The following MOV10 variants were observed in gnomAD, a reference collection of about 807,000 sequenced individuals.
MOV10 encodes Mov10 RNA helicase, also known as RNA helicase MOV-10.
A neutral mutation model predicts 108.4 loss-of-function variants in MOV10; 39 were observed. That is an observed-to-expected ratio of 0.36 (90% CI 0.28 to 0.47). The LOEUF is 0.47. Among genes scored for constraint, MOV10 ranks in the 20% least tolerant of loss-of-function variants. The pLI is 1.00. For missense variants in MOV10, 952 were observed against 1,297.6 expected (o/e 0.73, Z 4.09); for synonymous variants, 490 against 523.1 (o/e 0.94, Z 0.86).
intron 10 of MOV10, among the ~76,000 whole-genome samples, 174 bp from the exon 11 acceptor site, chr1:112,695,242 G>A (rs1673963791): frequency 6.6e-6 from 1 of 152,190 alleles, no homozygotes; most frequent in Non-Finnish European, 1.5e-5. Flanking sequence ...GGGGATTGGG[G>A]AAGTGGGAAG....
Position 112,694,478 on chromosome 1 carries a change from C to T in MOV10, c.1321C>T (p.Leu441=), listed in dbSNP as rs1278124080. ...CCTCCTGAGCCGCTTTGTGGATGGG[C>T]TGACCTTCAAGGTGAACTTTACCTT... The part of the protein sequence containing the change: ...MSLLSRFVDG[L]TFKVNFTFNR... Residue 441 remains leucine (L), a synonymous_variant, in exon 9 of 21, where the codon CTG becomes TTG. Coordinates refer to ENST00000369645, the MANE Select transcript of MOV10 (RefSeq NM_001321324.2). This position sits in a 1 kb window ranked among gnomAD's most constrained non-coding sequence, Gnocchi z 4.1. The T allele has an allele frequency of 6.2e-7, 1 of 1,614,106 alleles. No homozygotes were observed. Among genetic ancestry groups the T allele is most frequent in the East Asian group, 2.2e-5 (1 of 44,868 alleles).
chr1:112,689,764 T>C, intron 4 of MOV10, 76 bp from the exon 5 acceptor site: 1 of 1,586,888 alleles, frequency 6.3e-7, no homozygotes, highest in Non-Finnish European at 8.6e-7. Context: ...GGGATGGGGC[T>C]TCCTGGGGGA....
intron 17 of MOV10, 123 bp from the exon 18 acceptor site, chr1:112,699,562 C>T (rs1417051561): frequency 2.4e-5 from 37 of 1,525,726 alleles, no homozygotes; most frequent in Non-Finnish European, 3.2e-5. Context: ...AGCACTGGTT[C>T]ACTCACTGAT....
In MOV10 at chr1:112,697,974, T is replaced by C; in HGVS notation, c.2199-20T>C. 6.2e-7 allele frequency: 1 copy of C among 1,605,662 alleles called. No homozygotes were observed. The highest frequency in any genetic ancestry group is 8.5e-7 in the Non-Finnish European group (1 of 1,172,286). ...GGGAATCTGACCCTTGGTCTTGCTT[T>C]TCCTCCTCCGGCCTCCCAGGTCTCA... On this transcript the variant is annotated intron_variant, in intron 14 of 20. Transcript: ENST00000369645.
At chr1:112,687,795 C>G (rs759481465) in intron 2 of MOV10, among the ~76,000 whole-genome samples, 2 of 152,140 alleles carry the variant, frequency 1.3e-5, no homozygotes, top group Non-Finnish European at 2.9e-5. Flanking sequence ...AGCAACCCTA[C>G]GAGGTAAGTC....
chr1:112,677,776 G>A (rs948279489), intron 2 of MOV10, among the ~76,000 whole-genome samples: 11 of 152,014 alleles, frequency 7.2e-5, no homozygotes, highest in African/African-American at 1.7e-4. Flanking sequence ...ATATAGCGGG[G>A]GGTATAGCAA....
chr1:112,698,738 C>T lies in MOV10; in HGVS notation c.2532C>T (p.Ile844=). The change falls in exon 17 of 21, where the codon ATC becomes ATT. Residue 844 remains isoleucine, a synonymous_variant. Transcript: ENST00000369645. The stretch of plus-strand genomic sequence containing the variant: ...AGGTGGAGAAAATCCGTTACTGCAT[C>T]ACCAAACTTGACAGGGAGCTTCGAG... ...RKQVEKIRYC[I]TKLDRELRGL... is the part of the protein sequence containing the mutation. 6.2e-7 allele frequency: 1 copy of T among 1,614,184 alleles called. No homozygotes were observed. The highest frequency in any genetic ancestry group is 8.5e-7 in the Non-Finnish European group (1 of 1,180,002).
intron 14 of MOV10, 140 bp downstream of exon 14, chr1:112,696,986 A>T (rs1674159471): frequency 8.2e-6 from 6 of 729,832 alleles, no homozygotes; most frequent in Non-Finnish European, 1.1e-5. Context: ...GGAAGGCAGG[A>T]GGTTTTTCTA....
intron 2 of MOV10, among the ~76,000 whole-genome samples, chr1:112,686,779 A>G (rs1349717350): frequency 1.3e-5 from 2 of 152,196 alleles, no homozygotes; most frequent in African/African-American, 2.4e-5. Flanking sequence ...TCCTAGACTC[A>G]TCCCTCTTCC....
rs1281414572 is a variant in MOV10, at chr1:112,675,884, TG to T, written c.137+838del. ...ACTTGTACAAATAAACATAAGGTAG[TG>T]GGAATCTGGGCTTAATAACAGACCT... is the stretch of plus-strand genomic sequence containing the variant. On this transcript the variant is annotated intron_variant, in intron 2 of 20. Coordinates refer to ENST00000369645, the MANE Select transcript of MOV10 (RefSeq NM_001321324.2). The surrounding 1 kb of genome is among the most constrained non-coding windows in gnomAD (Gnocchi z 4.7). Among the ~76,000 whole-genome samples the T allele has an allele frequency of 6.6e-6, 1 of 152,198 alleles. No homozygotes were observed. Among genetic ancestry groups the T allele is most frequent in the African/African-American group, 2.4e-5 (1 of 41,452 alleles).
chr1:112,695,477 A>C lies in MOV10; in HGVS notation c.1682A>C (p.Asp561Ala). The change falls in exon 11 of 21, where the codon GAC becomes GCC. Residue 561 changes from aspartate to alanine, a missense_variant. Asp to Ala is a moderately radical substitution (Grantham distance 126). Around this residue, in one of 5 missense-constraint regions of MOV10, gnomAD observed 453 missense variants for 611.5 expected, o/e 0.74. Coordinates refer to ENST00000369645, the MANE Select transcript of MOV10 (RefSeq NM_001321324.2). ...LACAPSNSGA[D>A]LLCQRLRVHL... The stretch of plus-strand genomic sequence containing the variant: ...TGCGCTCCATCCAACTCAGGGGCTG[A>C]CCTACTCTGTCAAAGGCTCCGGGTC... 1.2e-6 allele frequency: 2 copies of C among 1,614,184 alleles called. No homozygotes were observed. Among genetic ancestry groups the C allele is most frequent in the Non-Finnish European group, 1.7e-6 (2 of 1,180,036 alleles).
chr1:112,676,868 A>G (rs1672236467), intron 2 of MOV10, among the ~76,000 whole-genome samples: 1 of 152,186 alleles, frequency 6.6e-6, no homozygotes. Context: ...GGCTCAGGGG[A>G]GTCTAACAAA....
At position 112,695,522 on chromosome 1, in the gene MOV10, A is replaced by G. The variant is rs1488330238; in HGVS notation, c.1727A>G (p.Tyr576Cys). ...CGGGTCCACCTTCCTAGCTCCATCT[A>G]CCGCCTCCTGGCCCCCAGCAGGGAC... ...RLRVHLPSSI[Y>C]RLLAPSRDIR... Residue 576 changes from tyrosine to cysteine, a missense_variant, in exon 11 of 21, where the codon TAC becomes TGC. By Grantham distance (194) the Tyr-to-Cys change is radical (BLOSUM62 -2). Around this residue, in one of 5 missense-constraint regions of MOV10, gnomAD observed 453 missense variants for 611.5 expected, o/e 0.74. Transcript: ENST00000369645. 1.2e-6 allele frequency: 2 copies of G among 1,613,972 alleles called. No homozygotes were observed. Among genetic ancestry groups the G allele is most frequent in the East Asian group, 2.2e-5 (1 of 44,868 alleles).
At chr1:112,676,167 A>C (rs979099523) in intron 2 of MOV10, among the ~76,000 whole-genome samples, 4 of 152,220 alleles carry the variant, frequency 2.6e-5, no homozygotes, top group Admixed American at 2.6e-4. Context: ...GTTTTATGTC[A>C]CCATGCTGGA....
At chr1:112,683,868 T>C (rs188229885) in intron 2 of MOV10, among the ~76,000 whole-genome samples, 6 of 152,354 alleles carry the variant, frequency 3.9e-5, no homozygotes, top group Admixed American at 3.3e-4. Context: ...TATACATTGG[T>C]ACTTTTCTTC....
chr1:112,694,690 CAG>C lies in MOV10; in HGVS notation c.1473-58_1473-57del. The C allele has an allele frequency of 6.3e-7, 1 of 1,596,422 alleles. No homozygotes were observed. Among genetic ancestry groups the C allele is most frequent in the Non-Finnish European group, 8.6e-7 (1 of 1,168,976 alleles). On this transcript the variant is annotated intron_variant, in intron 9 of 20. Transcript: ENST00000369645. The surrounding 1 kb of genome is among the most constrained non-coding windows in gnomAD (Gnocchi z 4.1). ...GGAGTGTGGGCACAGGGGGTGGAGT[CAG>C]GGAGGCCTCTGGGTCACTGGATGAC... is the stretch of plus-strand genomic sequence containing the variant.
In MOV10 at chr1:112,694,976, C is replaced by A; in HGVS notation, c.1620+80C>A. The A allele has an allele frequency of 6.8e-7, 1 of 1,473,710 alleles. No homozygotes were observed. Among genetic ancestry groups the A allele is most frequent in the South Asian group, 1.3e-5 (1 of 76,292 alleles). The allele number at this position is 1,473,710 out of a possible 1,614,324, so 91.3% of individuals were successfully genotyped here. Reference sequence around the variant, plus strand: ...AGTTGTCCCCAGATTCTAGTTCCTTCCCACTCCCGAAATGCTCCTGCTTCT... The same window carrying A: ...AGTTGTCCCCAGATTCTAGTTCCTTACCACTCCCGAAATGCTCCTGCTTCT... On this transcript the variant is annotated intron_variant, in intron 10 of 20. Transcript: ENST00000369645. This position sits in a 1 kb window ranked among gnomAD's most constrained non-coding sequence, Gnocchi z 4.1.
Position 112,694,093 on chromosome 1 carries a change from C to G in MOV10, c.1216C>G (p.His406Asp). 1.9e-6 allele frequency: 3 copies of G among 1,614,036 alleles called. No homozygotes were observed. Among genetic ancestry groups the G allele is most frequent in the Non-Finnish European group, 2.5e-6 (3 of 1,179,934 alleles). ...HLFALLSSET[H>D]QEDPITYKGF... ...GTTTGCCCTTTTGTCCTCGGAGACA[C>G]ACCAGGAGGACCCCATCACATATAA... The change falls in exon 8 of 21, where the codon CAC (histidine) becomes GAC (aspartate). Residue 406 changes from histidine to aspartate, a missense_variant. By Grantham distance (81) the His-to-Asp change is moderately conservative. Around this residue, in one of 5 missense-constraint regions of MOV10, gnomAD observed 453 missense variants for 611.5 expected, o/e 0.74. Coordinates refer to ENST00000369645, the MANE Select transcript of MOV10 (RefSeq NM_001321324.2). The surrounding 1 kb of genome is among the most constrained non-coding windows in gnomAD (Gnocchi z 4.1).
rs980012852 is a variant in MOV10 at position 112,698,886 on chromosome 1, C to G, written c.2583+97C>G. 3.0e-5 allele frequency: 30 copies of G among 1,005,276 alleles called. No homozygotes were observed. In the Middle Eastern group the frequency reaches 8.3e-4, roughly 28 times the overall value. 62.3% of individuals were successfully genotyped at this position (1,005,276 alleles called of 1,614,324 possible). A position where few individuals can be genotyped will look rare whatever the true frequency, so the allele number is the denominator to read the frequency against. On this transcript the variant is annotated intron_variant, in intron 17 of 20. Transcript: ENST00000369645. Reference sequence around the variant, plus strand: ...AAGCTTCCACTCCAGCCCACGTCCCCGTCCCACCCCTGCTGCCTTGAATAG... The same window carrying G: ...AAGCTTCCACTCCAGCCCACGTCCCGGTCCCACCCCTGCTGCCTTGAATAG...
Sources: gnomAD v4.1 joint callset for allele counts (sites outside exome capture counted in the v4.1 genomes callset) on GRCh38, gnomAD v4.1.1 for gene constraint, gnomAD v4.1.1 regional missense constraint, Gnocchi (gnomAD v3.1) non-coding constraint, MANE v1.5 for transcripts, NCBI Gene and HGNC (gene_info 2026-07-23, HGNC 2026-07-21) for gene names.